The following SMG6 variants were observed in gnomAD, a reference collection of about 807,000 sequenced individuals.
SMG6 encodes telomerase-binding protein EST1A.
A neutral mutation model predicts 142.2 loss-of-function variants in SMG6; 66 were observed. The observed-to-expected ratio is 0.46, with a 90% CI of 0.38 to 0.57. The LOEUF is 0.57. Ranked by LOEUF, SMG6 falls within the 20% of genes least tolerant of loss-of-function variation. The pLI, the probability that SMG6 is intolerant of heterozygous loss-of-function variation, is 0.00. For synonymous variants in SMG6, 779 were observed against 702.4 expected (o/e 1.11, Z -1.72); for missense variants, 1,793 against 1,832.0 (o/e 0.98, Z 0.39).
chr17:2,201,905 TC>T (rs994801598), intron 10 of SMG6, among the ~76,000 whole-genome samples: 87 of 151,898 alleles, frequency 5.7e-4, no homozygotes, highest in African/African-American at 1.9e-3. Context: ...GTGCCTGTAA[TC>T]CCAGCTACTT....
chr17:2,230,736 C>T (rs902817411), intron 10 of SMG6, among the ~76,000 whole-genome samples: 1 of 152,168 alleles, frequency 6.6e-6, no homozygotes, highest in Non-Finnish European at 1.5e-5. Flanking sequence ...CTATCTCCCC[C>T]ACAGGGAAAG....
chr17:2,065,701 AG>A, intron 16 of SMG6, 22 bp from the exon 17 acceptor site: 1 of 1,593,818 alleles, frequency 6.3e-7, no homozygotes, highest in Non-Finnish European at 8.6e-7. Context: ...GAGCCCCACA[AG>A]GTATCAGCCT....
rs2232481 is a variant in SMG6 at position 2,087,887 on chromosome 17, G to A, written c.3358-1986C>T. On this transcript the variant is annotated intron_variant, in intron 13 of 18. Coordinates refer to ENST00000263073, the MANE Select transcript of SMG6 (RefSeq NM_017575.5). ...GTGGTCTAATTTTAACCACCTTGTC[G>A]TTACAGTGTGTGTCAGCCACCTGAC... is the stretch of plus-strand genomic sequence containing the variant. 1,284 of 985,722 alleles carry A rather than the reference G, an allele frequency of 1.3e-3. 3 individuals are homozygous for A. The African/African-American group carries it at 0.018, about 14-fold the overall frequency. The allele number at this position is 985,722 out of a possible 1,614,324, so 61.1% of individuals were successfully genotyped here. A position where few individuals can be genotyped will look rare whatever the true frequency, so the allele number is the denominator to read the frequency against.
intron 4 of SMG6, 103 bp downstream of exon 4, chr17:2,297,140 A>G: frequency 1.3e-6 from 1 of 769,714 alleles, no homozygotes; most frequent in Non-Finnish European, 2.1e-6. Context: ...CTGTATCATT[A>G]TTTTATCCTC....
At chr17:2,257,639 T>C (rs944703937) in intron 8 of SMG6, among the ~76,000 whole-genome samples, 1 of 152,106 alleles carries the variant, frequency 6.6e-6, no homozygotes, top group African/African-American at 2.4e-5. Context: ...TACCTCCTTC[T>C]GCTCCTTAAA....
intron 2 of SMG6, among the ~76,000 whole-genome samples, chr17:2,298,447 C>T (rs1014213720): frequency 2.0e-5 from 3 of 152,232 alleles, no homozygotes; most frequent in South Asian, 2.1e-4. Flanking sequence ...GGGCCGGGCG[C>T]GGTGGCTCAT....
intron 8 of SMG6, among the ~76,000 whole-genome samples, chr17:2,273,554 A>C (rs2074584993): frequency 6.6e-6 from 1 of 152,152 alleles, no homozygotes; most frequent in Non-Finnish European, 1.5e-5. Flanking sequence ...AATCGTTTGA[A>C]CCGGGGAGGC....
intron 8 of SMG6, among the ~76,000 whole-genome samples, chr17:2,258,159 C>T (rs1188105763): frequency 2.6e-5 from 4 of 151,574 alleles, no homozygotes; most frequent in Non-Finnish European, 5.9e-5. Context: ...AACATTACAA[C>T]AATTCTGTGA....
At chr17:2,184,896 C>CA (rs2071927959) in intron 12 of SMG6, among the ~76,000 whole-genome samples, 2 of 124,224 alleles carry the variant, frequency 1.6e-5, no homozygotes, top group African/African-American at 6.2e-5. Flanking sequence ...ACTCAGGAGA[C>CA]AGAGGTTGCA....
chr17:2,215,909 G>C (rs1202946505), intron 10 of SMG6: 1 of 152,270 alleles, frequency 6.6e-6, no homozygotes, highest in Non-Finnish European at 1.5e-5. Context: ...GCTAACCGAG[G>C]CTGGCAGCAG....
At chr17:2,288,921 T>C (rs912097881) in intron 6 of SMG6, among the ~76,000 whole-genome samples, 2 of 150,796 alleles carry the variant, frequency 1.3e-5, no homozygotes, top group South Asian at 2.1e-4. Context: ...CTACTAAAAA[T>C]ACAAAAAATT....
At chr17:2,223,720 C>A (rs993824634) in intron 10 of SMG6, among the ~76,000 whole-genome samples, 1 of 152,182 alleles carries the variant, frequency 6.6e-6, no homozygotes, top group African/African-American at 2.4e-5. Context: ...ACCCAATTAG[C>A]CCTCTAAGTG....
chr17:2,129,096 C>T (rs2070012913), intron 13 of SMG6, among the ~76,000 whole-genome samples: 1 of 151,962 alleles, frequency 6.6e-6, no homozygotes, highest in African/African-American at 2.4e-5. Flanking sequence ...ACCTGTAATC[C>T]CAGCATTTTG....
intron 13 of SMG6, among the ~76,000 whole-genome samples, chr17:2,169,056 T>A (rs1377877832): frequency 4.6e-5 from 7 of 151,980 alleles, no homozygotes; most frequent in Admixed American, 3.9e-4. Context: ...AAAACTTTTT[T>A]TTTTTTTAAT....
chr17:2,234,650 C>A (rs943108789), intron 10 of SMG6, among the ~76,000 whole-genome samples: 8 of 152,072 alleles, frequency 5.3e-5, no homozygotes, highest in Non-Finnish European at 1.2e-4. Context: ...TATTCCTTTC[C>A]ATGGAATAGA....
At chr17:2,251,131 A>T (rs2074036970) in intron 8 of SMG6, among the ~76,000 whole-genome samples, 1 of 151,980 alleles carries the variant, frequency 6.6e-6, no homozygotes, top group Non-Finnish European at 1.5e-5. Flanking sequence ...ATGGAATCTA[A>T]GAAAAAAAAA....
At chr17:2,213,330 G>A (rs530009031) in intron 10 of SMG6, among the ~76,000 whole-genome samples, 26 of 152,324 alleles carry the variant, frequency 1.7e-4, no homozygotes, top group Non-Finnish European at 3.7e-4. Flanking sequence ...GGATTCTGGA[G>A]AAGCTCAAAA....
rs748607894 is a variant in SMG6 at position 2,186,676 on chromosome 17, C to G, written c.3142G>C (p.Asp1048His). 11 of 1,614,090 alleles carry G rather than the reference C, an allele frequency of 6.8e-6. No homozygotes were observed. The Admixed American group carries it at 1.7e-4, about 24-fold the overall frequency. The change falls in exon 12 of 19, where the codon GAT becomes CAT. Residue 1048 changes from aspartate (D) to histidine (H), a missense_variant. Physicochemically the swap from Asp to His is moderately conservative, Grantham distance 81 (BLOSUM62 -1). Transcript: ENST00000263073. Reference protein sequence around the residue: ...DTWNPPPTSLDLPSHVAVDVW... With the variant: ...DTWNPPPTSLHLPSHVAVDVW... ...AGGTCAACTCACTGCGAGGGCAGAT[C>G]CAGGGATGTGGGAGGAGGATTCCAG...
At chr17:2,287,249 T>C (rs1430155698) in intron 6 of SMG6, among the ~76,000 whole-genome samples, 1 of 152,196 alleles carries the variant, frequency 6.6e-6, no homozygotes, top group Non-Finnish European at 1.5e-5. Flanking sequence ...GACAAAGGAC[T>C]TGAATAGACA....
Sources: gnomAD v4.1 joint callset for allele counts (sites outside exome capture counted in the v4.1 genomes callset) on GRCh38, gnomAD v4.1.1 for gene constraint, MANE v1.5 for transcripts, NCBI Gene and HGNC (gene_info 2026-07-23, HGNC 2026-07-21) for gene names.